RIMS3: variants seen among roughly 807,000 people sequenced by gnomAD.
RIMS3 encodes the protein regulating synaptic membrane exocytosis protein 3.
RIMS3 carries 15 observed loss-of-function variants against 29.2 expected under a neutral mutation model. That is an observed-to-expected ratio of 0.51 (90% CI 0.34 to 0.79). RIMS3 has a LOEUF of 0.79. Ranked by LOEUF, RIMS3 falls within the 30% of genes least tolerant of loss-of-function variation. The pLI is 0.01. For synonymous variants in RIMS3, 161 were observed against 170.1 expected (o/e 0.95, Z 0.41); for missense variants, 342 against 421.4 (o/e 0.81, Z 1.65).
chr1:40,628,689 G>A, intron 7 of RIMS3, 121 bp downstream of exon 7: 1 of 1,338,358 alleles, frequency 7.5e-7, no homozygotes, highest in South Asian at 1.2e-5. Flanking sequence ...AAGTAAATGA[G>A]TAACGCAAAT....
the RIMS3 span, among the ~76,000 whole-genome samples, chr1:40,683,404 C>T: frequency 6.6e-6 from 1 of 152,168 alleles, no homozygotes; most frequent in African/African-American, 2.4e-5. Flanking sequence ...AGGGAGTGGA[C>T]TCCAGATAAA....
At chr1:40,690,487 T>C in the RIMS3 span, 1 of 152,290 alleles carries the variant, frequency 6.6e-6, no homozygotes, top group African/African-American at 2.4e-5. Flanking sequence ...CACTCTCACA[T>C]TATTTCATTC....
chr1:40,662,622 G>A lies in RIMS3; in HGVS notation c.-207+2772C>T, dbSNP rs894953649. ...TTCTCCTTTTTTCTTCACTCCTCCC[G>A]GACCCTCCTTTTCTTGTCCAGGCTT... On this transcript the variant is annotated intron_variant, in intron 1 of 7. Transcript: ENST00000372684. Among the ~76,000 whole-genome samples, 5 of 151,978 alleles carry A rather than the reference G, an allele frequency of 3.3e-5. No individual in the cohort carries two copies. The South Asian group carries it at 6.2e-4, about 19-fold the overall frequency.
the RIMS3 span, among the ~76,000 whole-genome samples, chr1:40,686,397 A>T: frequency 6.6e-6 from 1 of 152,166 alleles, no homozygotes; most frequent in Non-Finnish European, 1.5e-5. Flanking sequence ...TCACGCCTGT[A>T]ATCCCAGCAC....
chr1:40,652,361 C>T (rs933090995), intron 1 of RIMS3, among the ~76,000 whole-genome samples: 28 of 152,212 alleles, frequency 1.8e-4, no homozygotes, highest in African/African-American at 6.8e-4. Context: ...TTCTAAGAAA[C>T]TTCCAAGTGA....
chr1:40,627,694 T>C (rs507634), intron 7 of RIMS3, among the ~76,000 whole-genome samples: 40,515 of 151,824 alleles, frequency 0.27, 6,590 homozygotes, highest in African/African-American at 0.46. Flanking sequence ...CTTGACCTCC[T>C]GGGCTCAAAC....
Position 40,623,390 on chromosome 1 carries a change from T to G in RIMS3, c.*3127A>C. ...AGTCTATGAAGAAAGTGGGACAGAA[T>G]GAACAGAGCAGAAATACAAAGACAG... On this transcript the variant is annotated 3_prime_UTR_variant, in exon 8 of 8. Transcript: ENST00000372684. The G allele has an allele frequency of 2.5e-6, 1 of 398,520 alleles. No homozygotes were observed. The highest frequency in any genetic ancestry group is 4.4e-5 in the Admixed American group (1 of 22,730). The allele number at this position is 398,520 out of a possible 1,614,324, so 24.7% of individuals were successfully genotyped here. A position where few individuals can be genotyped will look rare whatever the true frequency, so the allele number is the denominator to read the frequency against.
the RIMS3 span, among the ~76,000 whole-genome samples, chr1:40,674,916 A>G: frequency 6.6e-6 from 1 of 152,214 alleles, no homozygotes; most frequent in Admixed American, 6.5e-5. Context: ...ACAACCTAGC[A>G]CAACAATCTA....
Position 40,656,011 on chromosome 1 carries a change from A to AAAAC in RIMS3, c.-206-8173_-206-8170dup, listed in dbSNP as rs563773330. The stretch of plus-strand genomic sequence containing the variant: ...CTGGGCGACAGAGACTCCGTCTCAA[A>AAAAC]AAACAAACAAACAAACAAAACAAAT... On this transcript the variant is annotated intron_variant, in intron 1 of 7. Coordinates refer to ENST00000372684, the MANE Select transcript of RIMS3 (RefSeq NM_014747.3). Among the ~76,000 whole-genome samples the AAAAC allele has an allele frequency of 1.2e-3, 180 of 152,074 alleles. 3 individuals are homozygous for AAAAC. Among genetic ancestry groups the AAAAC allele is most frequent in the African/African-American group, 4.1e-3 (172 of 41,464 alleles).
At chr1:40,644,063 G>C (rs1352034102) in intron 2 of RIMS3, among the ~76,000 whole-genome samples, 1 of 149,694 alleles carries the variant, frequency 6.7e-6, no homozygotes, top group East Asian at 2.0e-4. Context: ...AAGAAAGGTG[G>C]GGGGCTCTCT....
chr1:40,675,668 G>C, the RIMS3 span, among the ~76,000 whole-genome samples: 5 of 148,156 alleles, frequency 3.4e-5, no homozygotes, highest in African/African-American at 1.3e-4. Flanking sequence ...TGAGGCAGGA[G>C]AATCACTTGA....
Position 40,641,964 on chromosome 1 carries a change from T to C in RIMS3, c.-31-8A>G, listed in dbSNP as rs942544779. ...GCAGGGCCTCAGGCAGCTCTGAAGA[T>C]GGGCAGGAAACAAAAGGATCCCACA... On this transcript the variant is annotated splice_region_variant and splice_polypyrimidine_tract_variant and intron_variant, in intron 2 of 7. Transcript: ENST00000372684. 2 of 1,561,548 alleles carry C rather than the reference T, an allele frequency of 1.3e-6. No individual in the cohort carries two copies. The highest frequency in any genetic ancestry group is 3.4e-5 in the Admixed American group (2 of 59,212).
chr1:40,627,895 ATG>A, intron 7 of RIMS3, among the ~76,000 whole-genome samples: 1 of 152,134 alleles, frequency 6.6e-6, no homozygotes, highest in East Asian at 1.9e-4. Context: ...GTGAGCCACC[ATG>A]TCTGGCTCTG....
chr1:40,668,571 C>T (rs1192691246), upstream of RIMS3, among the ~76,000 whole-genome samples: 2 of 150,978 alleles, frequency 1.3e-5, no homozygotes, highest in African/African-American at 2.4e-5. Flanking sequence ...AAAAGCTGTG[C>T]CCTTATTCGA....
the RIMS3 span, among the ~76,000 whole-genome samples, chr1:40,688,315 C>T: frequency 5.0e-3 from 758 of 152,232 alleles, 5 homozygotes; most frequent in African/African-American, 0.018. Context: ...AGAGGTGTGG[C>T]TTAAGGAAGT....
upstream of RIMS3, among the ~76,000 whole-genome samples, chr1:40,666,655 C>T (rs1642429814): frequency 6.6e-6 from 1 of 152,194 alleles, no homozygotes. Flanking sequence ...ATTCCACCCA[C>T]TGACAGAGAG....
At chr1:40,627,944 G>A (rs922459004) in intron 7 of RIMS3, among the ~76,000 whole-genome samples, 2 of 152,118 alleles carry the variant, frequency 1.3e-5, no homozygotes, top group Non-Finnish European at 2.9e-5. Flanking sequence ...CCTTGCCACA[G>A]AACCATCTCA....
chr1:40,643,778 C>T (rs1387035976), intron 2 of RIMS3, among the ~76,000 whole-genome samples: 1 of 152,182 alleles, frequency 6.6e-6, no homozygotes, highest in Admixed American at 6.5e-5. Context: ...CACGCCCAGC[C>T]TAAGCATCTT....
chr1:40,652,928 T>A (rs952834816), intron 1 of RIMS3, among the ~76,000 whole-genome samples: 1 of 151,670 alleles, frequency 6.6e-6, no homozygotes, highest in Non-Finnish European at 1.5e-5. Flanking sequence ...GTCGTGGGTG[T>A]GGTTAGGGGA....
Sources: gnomAD v4.1 joint callset for allele counts (sites outside exome capture counted in the v4.1 genomes callset) on GRCh38, gnomAD v4.1.1 for gene constraint, MANE v1.5 for transcripts, NCBI Gene and HGNC (gene_info 2026-07-23, HGNC 2026-07-21) for gene names.